The following TNFSF4 variants were observed in gnomAD, a reference collection of about 807,000 sequenced individuals.
TNFSF4 encodes the protein TNF superfamily member 4, also known as tumor necrosis factor ligand superfamily member 4.
TNFSF4 carries 4 observed loss-of-function variants against 7.3 expected under a neutral mutation model. The observed-to-expected ratio is 0.55, with a 90% CI of 0.27 to 1.25. TNFSF4 has a LOEUF of 1.25. Ranked by LOEUF, TNFSF4 falls within the 50% of genes most tolerant of loss-of-function variation. The probability of loss-of-function intolerance (pLI) is 0.12; values close to 1 mark genes in which losing one functional copy is unlikely to be tolerated. For missense variants in TNFSF4, 181 were observed against 208.8 expected, an observed-to-expected ratio of 0.87 and a Z score of 0.82; for synonymous variants, 76 against 83.7, an observed-to-expected ratio of 0.91 and a Z score of 0.50.
chr1:173,232,344 G>C, the TNFSF4 span, among the ~76,000 whole-genome samples: 38 of 152,246 alleles, frequency 2.5e-4, no homozygotes, highest in African/African-American at 7.9e-4. Flanking sequence ...GCTGAAGTTG[G>C]TTATCAGCTT....
chr1:173,270,163 C>T, the TNFSF4 span, among the ~76,000 whole-genome samples: 2 of 151,950 alleles, frequency 1.3e-5, no homozygotes, highest in African/African-American at 4.8e-5. Context: ...ATGGGGAAGA[C>T]CATGAGAGGA....
chr1:173,446,611 TCTGGGTGGGCACCATCTAATCAG>T, the TNFSF4 span, among the ~76,000 whole-genome samples: 1 of 152,170 alleles, frequency 6.6e-6, no homozygotes, highest in Non-Finnish European at 1.5e-5. Context: ...CCCCCCTCAA[TCTGGGTGGGCACCATCTAATCAG>T]CTGCCAGTAC....
downstream of TNFSF4, among the ~76,000 whole-genome samples, chr1:173,183,580 C>T (rs1234823350): frequency 6.6e-6 from 1 of 152,134 alleles, no homozygotes; most frequent in Non-Finnish European, 1.5e-5. Flanking sequence ...GGCTTTGCCA[C>T]CTCAACCATC....
At chr1:173,261,736 G>A in the TNFSF4 span, among the ~76,000 whole-genome samples, 2 of 152,050 alleles carry the variant, frequency 1.3e-5, no homozygotes, top group Non-Finnish European at 2.9e-5. Flanking sequence ...TAGAAGAAAT[G>A]GATAAATTCC....
At chr1:173,331,207 A>T in the TNFSF4 span, among the ~76,000 whole-genome samples, 10 of 152,146 alleles carry the variant, frequency 6.6e-5, no homozygotes, top group Non-Finnish European at 1.3e-4. Context: ...TTCAAAACCC[A>T]GAAAGTAAAA....
the TNFSF4 span, among the ~76,000 whole-genome samples, chr1:173,332,791 A>G: frequency 2.6e-5 from 4 of 152,076 alleles, no homozygotes; most frequent in African/African-American, 7.2e-5. Flanking sequence ...GGAGGCAGTA[A>G]GCCAAGATCA....
chr1:173,285,674 C>CA, the TNFSF4 span, among the ~76,000 whole-genome samples: 1 of 152,148 alleles, frequency 6.6e-6, no homozygotes. Flanking sequence ...TCTCTACCAG[C>CA]AAAAAGATTA....
chr1:173,295,627 A>C, the TNFSF4 span, among the ~76,000 whole-genome samples: 1 of 151,994 alleles, frequency 6.6e-6, no homozygotes, highest in African/African-American at 2.4e-5. Flanking sequence ...GTTAATCCTC[A>C]GGCCTGAAGA....
At chr1:173,375,639 GCA>G in the TNFSF4 span, among the ~76,000 whole-genome samples, 1,316 of 152,254 alleles carry the variant, frequency 8.6e-3, 19 homozygotes, top group African/African-American at 0.031. Flanking sequence ...GCACCAATCA[GCA>G]CTCTGTAAAA....
chr1:173,381,288 G>A, the TNFSF4 span, among the ~76,000 whole-genome samples: 2 of 152,100 alleles, frequency 1.3e-5, no homozygotes, highest in Non-Finnish European at 2.9e-5. Context: ...CTTCTTAGGG[G>A]AAAAGTGTTG....
chr1:173,174,097 T>G, the TNFSF4 span, among the ~76,000 whole-genome samples: 1 of 152,182 alleles, frequency 6.6e-6, no homozygotes, highest in Admixed American at 6.5e-5. Flanking sequence ...ATCACCTCTC[T>G]CAAGTTCAAA....
At chr1:173,197,151 C>T (rs2101992428) in intron 1 of TNFSF4, among the ~76,000 whole-genome samples, 2 of 152,156 alleles carry the variant, frequency 1.3e-5, no homozygotes, top group Middle Eastern at 6.8e-3. Flanking sequence ...GTCAGAATGG[C>T]CATTATTAAA....
the TNFSF4 span, among the ~76,000 whole-genome samples, chr1:173,246,872 CT>C: frequency 6.6e-6 from 1 of 152,204 alleles, no homozygotes; most frequent in African/African-American, 2.4e-5. Flanking sequence ...GATATTCTCT[CT>C]TTTGCTTTTC....
the TNFSF4 span, among the ~76,000 whole-genome samples, chr1:173,247,822 T>G: frequency 6.6e-6 from 1 of 152,200 alleles, no homozygotes; most frequent in African/African-American, 2.4e-5. Context: ...TCGTGATACA[T>G]TTATGAATAG....
the TNFSF4 span, among the ~76,000 whole-genome samples, chr1:173,356,223 C>G: frequency 6.6e-6 from 1 of 152,140 alleles, no homozygotes; most frequent in Admixed American, 6.5e-5. Flanking sequence ...TTGTCTCTAC[C>G]AAGAATTTCC....
At chr1:173,299,740 C>G in the TNFSF4 span, among the ~76,000 whole-genome samples, 15 of 151,948 alleles carry the variant, frequency 9.9e-5, no homozygotes, top group Non-Finnish European at 1.9e-4. Flanking sequence ...ATCATGAATA[C>G]AGAGTTAACC....
At chr1:173,349,024 TTTA>T in the TNFSF4 span, among the ~76,000 whole-genome samples, 2 of 151,848 alleles carry the variant, frequency 1.3e-5, no homozygotes, top group Non-Finnish European at 2.9e-5. Flanking sequence ...CTTGCTTGTT[TTTA>T]TTATTATTAT....
the TNFSF4 span, among the ~76,000 whole-genome samples, chr1:173,427,563 G>C: frequency 6.6e-6 from 1 of 152,150 alleles, no homozygotes. Flanking sequence ...AGAGACATGA[G>C]ATTTTTCTAC....
chr1:173,416,096 T>C, the TNFSF4 span, among the ~76,000 whole-genome samples: 1 of 151,790 alleles, frequency 6.6e-6, no homozygotes, highest in Non-Finnish European at 1.5e-5. Context: ...CCCAGGGAGG[T>C]AGAGCCAACC....
Sources: allele counts gnomAD v4.1 joint callset (sites outside exome capture counted in the v4.1 genomes callset), GRCh38; gene constraint gnomAD v4.1.1; transcripts MANE v1.5; gene names NCBI Gene and HGNC (gene_info 2026-07-23, HGNC 2026-07-21).